CORO1C: variants seen among roughly 807,000 people sequenced by gnomAD.
CORO1C encodes coronin-1C.
A neutral mutation model predicts 51.2 loss-of-function variants in CORO1C; 14 were observed. The observed-to-expected ratio is 0.27, with a 90% confidence interval of 0.18 to 0.43. The LOEUF (loss-of-function observed/expected upper bound fraction) is 0.43. CORO1C is among the 20% of genes least tolerant of loss of function. The probability of loss-of-function intolerance (pLI) is 1.00; values close to 1 mark genes in which losing one functional copy is unlikely to be tolerated. For missense variants in CORO1C, 417 were observed against 607.8 expected (o/e 0.69, Z 3.30); for synonymous variants, 181 against 210.5 (o/e 0.86, Z 1.21).
intron 1 of CORO1C, among the ~76,000 whole-genome samples, chr12:108,721,110 T>C (rs1241078729): frequency 6.6e-6 from 1 of 152,210 alleles, no homozygotes; most frequent in Non-Finnish European, 1.5e-5. Context: ...TCTCTAGTCA[T>C]TTAATCCCAG....
chr12:108,727,127 C>G (rs1404222352), intron 1 of CORO1C, among the ~76,000 whole-genome samples: 1 of 152,226 alleles, frequency 6.6e-6, no homozygotes, highest in African/African-American at 2.4e-5. Context: ...AAGCCATGAA[C>G]AAGAGAATCT....
At chr12:108,653,661 G>A (rs1015503614) in intron 7 of CORO1C, among the ~76,000 whole-genome samples, 1 of 152,180 alleles carries the variant, frequency 6.6e-6, no homozygotes, top group African/African-American at 2.4e-5. Flanking sequence ...GAGCTCATAA[G>A]GCAGGAGGAA....
At chr12:108,686,032 G>T (rs2034282158) in intron 2 of CORO1C, among the ~76,000 whole-genome samples, 1 of 152,148 alleles carries the variant, frequency 6.6e-6, no homozygotes, top group African/African-American at 2.4e-5. Flanking sequence ...ACAAAGCTGG[G>T]CACTTACAAA....
intron 1 of CORO1C, among the ~76,000 whole-genome samples, chr12:108,704,737 T>G (rs2034979055): frequency 6.6e-6 from 1 of 152,224 alleles, no homozygotes; most frequent in Non-Finnish European, 1.5e-5. Flanking sequence ...ATAGCCGCTT[T>G]TCTTGCACAG....
intron 8 of CORO1C, 110 bp downstream of exon 8, chr12:108,652,162 G>A: frequency 1.1e-6 from 1 of 884,976 alleles, no homozygotes; most frequent in Non-Finnish European, 1.7e-6. Flanking sequence ...CTACTTTCTT[G>A]CTCAGAATGG....
intron 2 of CORO1C, among the ~76,000 whole-genome samples, chr12:108,689,850 A>T (rs932971264): frequency 6.6e-6 from 1 of 152,208 alleles, no homozygotes; most frequent in Non-Finnish European, 1.5e-5. Flanking sequence ...CATACTGAGA[A>T]TTCTTCAACT....
chr12:108,727,258 A>G (rs1250348458), intron 1 of CORO1C, among the ~76,000 whole-genome samples: 1 of 152,244 alleles, frequency 6.6e-6, no homozygotes, highest in African/African-American at 2.4e-5. Flanking sequence ...ATGAATGTAC[A>G]ATACATGAGG....
chr12:108,723,825 A>T (rs1752285812), intron 1 of CORO1C, among the ~76,000 whole-genome samples: 1 of 152,234 alleles, frequency 6.6e-6, no homozygotes, highest in South Asian at 2.1e-4. Context: ...GTGTTTTCAA[A>T]TACAGACGGC....
intron 1 of CORO1C, among the ~76,000 whole-genome samples, chr12:108,708,831 C>T (rs926770179): frequency 2.0e-5 from 3 of 152,022 alleles, no homozygotes; most frequent in Non-Finnish European, 4.4e-5. Flanking sequence ...TAGCTCATTG[C>T]AGCCTGAAAC....
intron 1 of CORO1C, among the ~76,000 whole-genome samples, chr12:108,715,414 T>C (rs569900056): frequency 2.0e-4 from 31 of 152,152 alleles, no homozygotes; most frequent in Non-Finnish European, 4.0e-4. Flanking sequence ...GACTTCGAAA[T>C]CATCTCTAGC....
At chr12:108,679,200 T>TATC (rs1282655903) in intron 2 of CORO1C, among the ~76,000 whole-genome samples, 1 of 140,782 alleles carries the variant, frequency 7.1e-6, no homozygotes, top group Non-Finnish European at 1.5e-5. Flanking sequence ...AAGCTTTAGC[T>TATC]ATCATTAGGG....
chr12:108,656,036 C>T (rs1292968622), intron 6 of CORO1C, among the ~76,000 whole-genome samples: 5 of 150,596 alleles, frequency 3.3e-5, no homozygotes, highest in African/African-American at 9.8e-5. Flanking sequence ...GCCGGGACCC[C>T]GTCTGGGAGG....
chr12:108,658,607 C>T lies in CORO1C; in HGVS notation c.630+131G>A, dbSNP rs1156863890. The stretch of plus-strand genomic sequence containing the variant: ...GGAGACAGAAGCCTTTATAAGCCTT[C>T]TCTTATTCACAGTTGGTGTCTACAC... On this transcript the variant is annotated intron_variant, in intron 5 of 10. Transcript: ENST00000261401. The surrounding 1 kb of genome is among the most constrained non-coding windows in gnomAD (Gnocchi z 4.9). 17 of 774,624 alleles carry T rather than the reference C, an allele frequency of 2.2e-5. No individual in the cohort carries two copies. Among genetic ancestry groups the T allele is most frequent in the Non-Finnish European group, 3.2e-5 (16 of 502,400 alleles). The allele number at this position is 774,624 out of a possible 1,614,324, so 48.0% of individuals were successfully genotyped here.
At chr12:108,728,388 C>T (rs1466906305) in intron 1 of CORO1C, among the ~76,000 whole-genome samples, 2 of 151,346 alleles carry the variant, frequency 1.3e-5, no homozygotes, top group East Asian at 3.9e-4. Flanking sequence ...ACATATAAAC[C>T]TTGAAAATAT....
At chr12:108,688,323 T>C (rs1192099428) in intron 2 of CORO1C, among the ~76,000 whole-genome samples, 2 of 152,158 alleles carry the variant, frequency 1.3e-5, no homozygotes, top group African/African-American at 4.8e-5. Context: ...AAAAAACTGT[T>C]AATGTACACA....
chr12:108,665,497 C>G (rs2033440371), intron 3 of CORO1C, among the ~76,000 whole-genome samples: 1 of 152,108 alleles, frequency 6.6e-6, no homozygotes, highest in African/African-American at 2.4e-5. Flanking sequence ...GATGGTCTAA[C>G]AGAAAGCAGA....
At chr12:108,701,082 T>G in intron 2 of CORO1C, 42 bp downstream of exon 2, 1 of 1,594,230 alleles carries the variant, frequency 6.3e-7, no homozygotes, top group Non-Finnish European at 8.6e-7. Flanking sequence ...GTATGGAGAC[T>G]ATCAGAGGGT....
chr12:108,685,979 CACA>C (rs2034280824), intron 2 of CORO1C, among the ~76,000 whole-genome samples: 1 of 152,114 alleles, frequency 6.6e-6, no homozygotes, highest in Non-Finnish European at 1.5e-5. Flanking sequence ...AAAACAAAAG[CACA>C]ACAACATATT....
chr12:108,709,636 T>A (rs980409869), intron 1 of CORO1C, among the ~76,000 whole-genome samples: 3 of 152,110 alleles, frequency 2.0e-5, no homozygotes, highest in Non-Finnish European at 4.4e-5. Flanking sequence ...AGCTATATTG[T>A]CCCAAACTGA....
Sources: gnomAD v4.1 joint callset for allele counts (sites outside exome capture counted in the v4.1 genomes callset) on GRCh38, gnomAD v4.1.1 for gene constraint, Gnocchi (gnomAD v3.1) non-coding constraint, MANE v1.5 for transcripts, NCBI Gene and HGNC (gene_info 2026-07-23, HGNC 2026-07-21) for gene names.